Variants in PDE1C observed in about 807,000 individuals in gnomAD.
PDE1C encodes phosphodiesterase 1C.
PDE1C carries 62 observed loss-of-function variants against 93.1 expected under a neutral mutation model. The observed-to-expected ratio is 0.67, with a 90% CI of 0.54 to 0.82. PDE1C has a LOEUF of 0.82. Among genes scored for constraint, PDE1C ranks in the 40% least tolerant of loss-of-function variants. The probability of loss-of-function intolerance (pLI) is 0.00; values close to 1 mark genes in which losing one functional copy is unlikely to be tolerated. For synonymous variants in PDE1C, 325 were observed against 310.1 expected, an observed-to-expected ratio of 1.05 and a Z score of -0.50; for missense variants, 742 against 884.6, an observed-to-expected ratio of 0.84 and a Z score of 2.04.
chr7:32,145,467 G>A (rs1800782278), intron 3 of PDE1C, among the ~76,000 whole-genome samples: 1 of 152,096 alleles, frequency 6.6e-6, no homozygotes, highest in Non-Finnish European at 1.5e-5. Context: ...ACAGAGATGA[G>A]GATTCCCGTC....
In PDE1C at chr7:31,879,575, T is replaced by C. The variant is rs532895436; in HGVS notation, c.243-397A>G. 9.2e-5 allele frequency among the ~76,000 whole-genome samples: 14 copies of C among 152,326 alleles called. No homozygotes were observed. The South Asian group carries it at 1.2e-3, about 14-fold the overall frequency. On this transcript the variant is annotated intron_variant, in intron 3 of 17. Coordinates refer to ENST00000396191, the MANE Select transcript of PDE1C (RefSeq NM_001191057.4). The stretch of plus-strand genomic sequence containing the variant: ...AATATAAATGGATACTTAAGAGACT[T>C]TGCAAAGTATTTACCAAATCACAGC...
At chr7:32,289,880 G>C (rs1812227345) in intron 1 of PDE1C, among the ~76,000 whole-genome samples, 1 of 152,218 alleles carries the variant, frequency 6.6e-6, no homozygotes, top group African/African-American at 2.4e-5. Flanking sequence ...ACAGCCATTT[G>C]GGGAAGCAGA....
the PDE1C span, among the ~76,000 whole-genome samples, chr7:31,673,339 A>C: frequency 2.0e-5 from 3 of 152,046 alleles, no homozygotes; most frequent in Admixed American, 2.0e-4. Flanking sequence ...GGCCAAGTTC[A>C]ATTGTTGCAG....
rs1009292409 is a variant in PDE1C, at chr7:31,937,255, G to A, written c.129-56395C>T. On this transcript the variant is annotated intron_variant, in intron 2 of 17. Coordinates refer to ENST00000396191, the MANE Select transcript of PDE1C (RefSeq NM_001191057.4). ...GTCTCTATAGAACGCAAATTCCCCC[G>A]ACAAGAAACAGCTTTGCAGGACCAT... Among the ~76,000 whole-genome samples the A allele has an allele frequency of 1.4e-4, 21 of 152,228 alleles. 1 individual carries two copies. The highest frequency in any genetic ancestry group is 4.1e-4 in the South Asian group (2 of 4,822).
intron 3 of PDE1C, among the ~76,000 whole-genome samples, chr7:32,080,409 G>A (rs1281973172): frequency 6.6e-6 from 1 of 152,100 alleles, no homozygotes; most frequent in Non-Finnish European, 1.5e-5. Context: ...GTGATTCCTA[G>A]CACATACATT....
At chr7:31,763,808 GTC>G (rs995500023) in intron 17 of PDE1C, among the ~76,000 whole-genome samples, 1 of 151,760 alleles carries the variant, frequency 6.6e-6, no homozygotes, top group African/African-American at 2.4e-5. Flanking sequence ...ATATAGAAAA[GTC>G]ACATAATTCC....
At chr7:31,688,181 G>A in the PDE1C span, among the ~76,000 whole-genome samples, 11 of 152,228 alleles carry the variant, frequency 7.2e-5, no homozygotes, top group Admixed American at 4.6e-4. Context: ...CATTCTATGG[G>A]TAATACTCTC....
chr7:31,632,167 G>T, the PDE1C span, among the ~76,000 whole-genome samples: 3 of 152,210 alleles, frequency 2.0e-5, no homozygotes, highest in African/African-American at 7.2e-5. Flanking sequence ...CCTTGACAGA[G>T]GCAGGGCGTG....
At chr7:31,991,749 A>G (rs1784168885) in intron 2 of PDE1C, among the ~76,000 whole-genome samples, 1 of 152,198 alleles carries the variant, frequency 6.6e-6, no homozygotes, top group African/African-American at 2.4e-5. Context: ...TGTGTGTGGT[A>G]TGTATAAAGC....
At chr7:32,176,667 TAG>T (rs2128809278) in intron 2 of PDE1C, among the ~76,000 whole-genome samples, 1 of 144,968 alleles carries the variant, frequency 6.9e-6, no homozygotes, top group East Asian at 2.3e-4. Context: ...TGTATATCAT[TAG>T]AGAGATCAAC....
chr7:31,902,955 G>A (rs781410127), intron 2 of PDE1C, among the ~76,000 whole-genome samples: 2 of 151,592 alleles, frequency 1.3e-5, no homozygotes, highest in Admixed American at 6.6e-5. Flanking sequence ...TATCAAACAA[G>A]TATGTCTTAT....
At chr7:32,298,648 C>T in intron 1 of PDE1C, 1 of 1,602,646 alleles carries the variant, frequency 6.2e-7, no homozygotes. Context: ...GGAAAGTTCT[C>T]ACCTATGGTG....
the PDE1C span, among the ~76,000 whole-genome samples, chr7:31,647,984 G>A: frequency 6.6e-6 from 1 of 151,986 alleles, no homozygotes; most frequent in Non-Finnish European, 1.5e-5. Flanking sequence ...AAAATGGTTT[G>A]TTGGTATAAC....
At chr7:32,326,509 G>A (rs547734379) in intron 1 of PDE1C, among the ~76,000 whole-genome samples, 8 of 152,236 alleles carry the variant, frequency 5.3e-5, no homozygotes, top group South Asian at 4.1e-4. Flanking sequence ...ACAGTGCCTC[G>A]GAAACCAGGT....
chr7:31,909,609 T>C (rs1050205779), intron 2 of PDE1C, among the ~76,000 whole-genome samples: 2 of 152,212 alleles, frequency 1.3e-5, no homozygotes, highest in African/African-American at 4.8e-5. Flanking sequence ...TAGAGATGCA[T>C]TGTACAAAAC....
intron 1 of PDE1C, among the ~76,000 whole-genome samples, chr7:32,067,343 C>T (rs755159936): frequency 2.6e-5 from 4 of 152,152 alleles, no homozygotes; most frequent in African/African-American, 4.8e-5. Flanking sequence ...ACCAAAAACC[C>T]TGTCTTCATG....
At chr7:31,977,660 A>C (rs1246356217) in intron 2 of PDE1C, among the ~76,000 whole-genome samples, 1 of 152,190 alleles carries the variant, frequency 6.6e-6, no homozygotes, top group Admixed American at 6.6e-5. Flanking sequence ...CACTTAGTAC[A>C]ACCTGATTTT....
intron 8 of PDE1C, among the ~76,000 whole-genome samples, chr7:31,849,302 T>C (rs1394195976): frequency 3.9e-5 from 6 of 152,204 alleles, no homozygotes; most frequent in Non-Finnish European, 8.8e-5. Context: ...GGGCAGGTGA[T>C]ATTCACCATG....
At chr7:31,695,262 C>T in the PDE1C span, among the ~76,000 whole-genome samples, 2 of 152,098 alleles carry the variant, frequency 1.3e-5, no homozygotes, top group African/African-American at 4.8e-5. Flanking sequence ...TGGAGTTTTA[C>T]AGCATTCTAG....
Sources: allele counts gnomAD v4.1 joint callset (sites outside exome capture counted in the v4.1 genomes callset), GRCh38; gene constraint gnomAD v4.1.1; transcripts MANE v1.5; gene names NCBI Gene and HGNC (gene_info 2026-07-23, HGNC 2026-07-21).